Variants in ACTR3C observed in about 807,000 individuals in gnomAD.
ACTR3C encodes the protein actin related protein 3C.
ACTR3C carries 18 observed loss-of-function variants against 26.3 expected under a neutral mutation model. The observed-to-expected ratio is 0.68, with a 90% CI of 0.47 to 1.01. The LOEUF (loss-of-function observed/expected upper bound fraction) is 1.01, where lower values mean the gene tolerates loss of function less well. Among genes scored for constraint, ACTR3C ranks in the 50% least tolerant of loss-of-function variants. ACTR3C has a pLI of 0.00. For synonymous variants in ACTR3C, 55 were observed against 94.5 expected (o/e 0.58, Z 2.42); for missense variants, 184 against 250.7 (o/e 0.73, Z 1.80).
At chr7:150,033,388 T>C in the ACTR3C span, among the ~76,000 whole-genome samples, 1 of 152,230 alleles carries the variant, frequency 6.6e-6, no homozygotes, top group African/African-American at 2.4e-5. Flanking sequence ...CTCATGAGTA[T>C]CAGCTCCTGA....
chr7:150,194,928 T>C, the ACTR3C span, among the ~76,000 whole-genome samples: 3 of 152,000 alleles, frequency 2.0e-5, no homozygotes, highest in African/African-American at 7.3e-5. Flanking sequence ...ACACCATCTG[T>C]ATTAAAAATA....
the ACTR3C span, among the ~76,000 whole-genome samples, chr7:150,174,132 C>T: frequency 7.2e-6 from 1 of 139,358 alleles, no homozygotes; most frequent in East Asian, 2.0e-4. Context: ...TTCAGCAATG[C>T]CCCAATGTAC....
chr7:150,279,957 TA>T (rs1835184959), intron 6 of ACTR3C, among the ~76,000 whole-genome samples: 1 of 152,230 alleles, frequency 6.6e-6, no homozygotes, highest in African/African-American at 2.4e-5. Flanking sequence ...GTCTTGTACC[TA>T]GTAGGTACTC....
At chr7:150,299,262 G>A (rs1191521941) in intron 1 of ACTR3C, among the ~76,000 whole-genome samples, 1 of 151,014 alleles carries the variant, frequency 6.6e-6, no homozygotes, top group African/African-American at 2.4e-5. Context: ...ATTACAAGGC[G>A]TGAGCCACCA....
At chr7:150,084,033 A>AT in the ACTR3C span, among the ~76,000 whole-genome samples, 1 of 152,146 alleles carries the variant, frequency 6.6e-6, no homozygotes, top group Non-Finnish European at 1.5e-5. Flanking sequence ...CACCCAGCTA[A>AT]TTTTTTTCCA....
chr7:150,291,070 T>A (rs1486735825), intron 3 of ACTR3C, among the ~76,000 whole-genome samples: 1 of 152,130 alleles, frequency 6.6e-6, no homozygotes, highest in African/African-American at 2.4e-5. Context: ...AAACCAGACA[T>A]GAGACATTCC....
chr7:150,003,295 G>A, the ACTR3C span, among the ~76,000 whole-genome samples: 1 of 152,294 alleles, frequency 6.6e-6, no homozygotes, highest in South Asian at 2.1e-4. Flanking sequence ...TGTGGGATGT[G>A]TTGGTATAAT....
chr7:150,110,461 GAGGGTGGGGCTTACTAAGAGATT>G, the ACTR3C span, among the ~76,000 whole-genome samples: 1 of 132,606 alleles, frequency 7.5e-6, no homozygotes, highest in African/African-American at 2.9e-5. Flanking sequence ...GGGGCTGGAA[GAGGGTGGGGCTTACTAAGAGATT>G]CACTCTGGCT....
chr7:149,991,650 GC>G, the ACTR3C span, among the ~76,000 whole-genome samples: 1 of 152,350 alleles, frequency 6.6e-6, no homozygotes, highest in South Asian at 2.1e-4. Flanking sequence ...TCTCCCACTT[GC>G]CTTCTTTGAC....
At chr7:149,963,049 C>T in the ACTR3C span, among the ~76,000 whole-genome samples, 1 of 152,204 alleles carries the variant, frequency 6.6e-6, no homozygotes, top group East Asian at 1.9e-4. Context: ...AGGTGTGGAC[C>T]TCATTAGCAG....
chr7:149,942,535 G>A, the ACTR3C span, among the ~76,000 whole-genome samples: 18 of 152,034 alleles, frequency 1.2e-4, no homozygotes, highest in African/African-American at 3.6e-4. Context: ...CCAGGCAGCT[G>A]AATTATCATT....
At chr7:150,167,417 T>C in the ACTR3C span, among the ~76,000 whole-genome samples, 56 of 151,002 alleles carry the variant, frequency 3.7e-4, 4 homozygotes, top group African/African-American at 1.2e-3. Context: ...CATGGTAAAA[T>C]TGTATTAATA....
At chr7:150,053,351 A>G in the ACTR3C span, among the ~76,000 whole-genome samples, 13 of 152,164 alleles carry the variant, frequency 8.5e-5, no homozygotes, top group African/African-American at 3.1e-4. Flanking sequence ...CAGGTGAATT[A>G]AGTTAAATAT....
At chr7:150,076,138 T>G in the ACTR3C span, among the ~76,000 whole-genome samples, 1 of 152,030 alleles carries the variant, frequency 6.6e-6, no homozygotes, top group East Asian at 1.9e-4. Context: ...TTGAAACCTC[T>G]GCTTGTTTTT....
chr7:150,078,497 C>T, the ACTR3C span, among the ~76,000 whole-genome samples: 1 of 149,804 alleles, frequency 6.7e-6, no homozygotes, highest in African/African-American at 2.5e-5. Context: ...CCTCTTCCAT[C>T]ACCTTCTGTA....
At chr7:150,260,948 GGAA>G (rs766113259) in intron 6 of ACTR3C, among the ~76,000 whole-genome samples, 4 of 152,114 alleles carry the variant, frequency 2.6e-5, no homozygotes, top group East Asian at 3.8e-4. Context: ...AAATGCTAAA[GGAA>G]GAAGAAGGAG....
At chr7:150,305,594 GATTT>G (rs1433322036) in intron 1 of ACTR3C, among the ~76,000 whole-genome samples, 3 of 152,186 alleles carry the variant, frequency 2.0e-5, no homozygotes, top group Non-Finnish European at 2.9e-5. Context: ...GCTCTTGCAG[GATTT>G]ATATTCAAAA....
the ACTR3C span, among the ~76,000 whole-genome samples, chr7:150,198,260 C>T: frequency 1.1e-4 from 16 of 149,130 alleles, no homozygotes; most frequent in South Asian, 1.5e-3. Flanking sequence ...TCTGCCCGGC[C>T]GCCACCCCGT....
chr7:149,941,301 C>T, the ACTR3C span, among the ~76,000 whole-genome samples: 15 of 152,190 alleles, frequency 9.9e-5, no homozygotes, highest in Non-Finnish European at 1.8e-4. Flanking sequence ...AGGAACTGTT[C>T]TCCTGGCACA....
Sources: gnomAD v4.1 joint callset for allele counts (sites outside exome capture counted in the v4.1 genomes callset) on GRCh38, gnomAD v4.1.1 for gene constraint, MANE v1.5 for transcripts, NCBI Gene and HGNC (gene_info 2026-07-23, HGNC 2026-07-21) for gene names.